Variants in KSR1 observed in about 807,000 individuals in gnomAD.
KSR1 encodes kinase suppressor of ras 1, also known as kinase suppressor of ras.
Under a neutral mutation model 92.9 loss-of-function variants are expected in KSR1, and 35 were observed. That is an observed-to-expected ratio of 0.38 (90% CI 0.29 to 0.50). The LOEUF is 0.50. Among genes scored for constraint, KSR1 ranks in the 20% least tolerant of loss-of-function variants. KSR1 has a pLI of 0.94. For synonymous variants in KSR1, 467 were observed against 472.6 expected (o/e 0.99, Z 0.15); for missense variants, 972 against 1,158.5 (o/e 0.84, Z 2.34).
intron 2 of KSR1, among the ~76,000 whole-genome samples, chr17:27,555,897 AAAG>A (rs2071576864): frequency 6.6e-6 from 1 of 152,232 alleles, no homozygotes; most frequent in Non-Finnish European, 1.5e-5. Flanking sequence ...AGATAAAGTG[AAAG>A]AAAATTGCTG....
chr17:27,604,971 T>A (rs2073700073), intron 13 of KSR1, among the ~76,000 whole-genome samples: 1 of 152,232 alleles, frequency 6.6e-6, no homozygotes, highest in Admixed American at 6.5e-5. Flanking sequence ...ACCACTGCCT[T>A]GACCCTTGAA....
intron 3 of KSR1, among the ~76,000 whole-genome samples, chr17:27,580,700 C>T (rs1318180688): frequency 6.6e-6 from 1 of 152,106 alleles, no homozygotes; most frequent in African/African-American, 2.4e-5. Flanking sequence ...ACAGATATTG[C>T]GGGAGGGAGG....
At chr17:27,585,693 A>G (rs1284600036) in intron 5 of KSR1, 32 bp downstream of exon 5, 2 of 755,686 alleles carry the variant, frequency 2.6e-6, no homozygotes, top group African/African-American at 3.4e-5. Flanking sequence ...CCCCTCTACC[A>G]CCTGGGAGTC....
At chr17:27,547,339 A>T (rs923352992) in intron 1 of KSR1, among the ~76,000 whole-genome samples, 7 of 152,250 alleles carry the variant, frequency 4.6e-5, no homozygotes, top group Non-Finnish European at 8.8e-5. Context: ...CAGGGGGTCC[A>T]TCGATGAACG....
chr17:27,496,221 C>T (rs1242844766), intron 1 of KSR1, among the ~76,000 whole-genome samples: 1 of 152,050 alleles, frequency 6.6e-6, no homozygotes, highest in African/African-American at 2.4e-5. Flanking sequence ...TTGTGTTTGC[C>T]TAAGGGAGAT....
Position 27,610,077 on chromosome 17 carries a change from C to G in KSR1, c.2236C>G (p.Gln746Glu). ...CTTCCTGGTCTCCAGGCGTGAGAAC[C>G]AGCTAAAGCTGTCCCACGACTGGCT... Reference protein sequence around the residue: ...GVVREGRRENQLKLSHDWLCY... With the variant: ...GVVREGRRENELKLSHDWLCY... Residue 746 changes from glutamine to glutamate, a missense_variant, in exon 17 of 21, where the codon CAG becomes GAG. Coordinates refer to ENST00000644974, the MANE Select transcript of KSR1 (RefSeq NM_001394583.1). The G allele has an allele frequency of 1.2e-6, 2 of 1,613,924 alleles. No homozygotes were observed. Among genetic ancestry groups the G allele is most frequent in the Non-Finnish European group, 8.5e-7 (1 of 1,179,838 alleles).
rs569578565 is a variant in KSR1, at chr17:27,527,424, A to G, written c.232-23144A>G. On this transcript the variant is annotated intron_variant, in intron 1 of 20. Coordinates refer to ENST00000644974, the MANE Select transcript of KSR1 (RefSeq NM_001394583.1). ...CCCCCCCTTTTTTTTCTTTTTTGAGACAAAGTCTTGCTCTGTCACCTAGGC... is the reference window on the plus strand; with the variant it reads ...CCCCCCCTTTTTTTTCTTTTTTGAGGCAAAGTCTTGCTCTGTCACCTAGGC... 1.7e-3 allele frequency among the ~76,000 whole-genome samples: 186 copies of G among 112,240 alleles called. 1 individual carries two copies. Among genetic ancestry groups the G allele is most frequent in the South Asian group, 0.016 (51 of 3,190 alleles). The allele number at this position is 112,240 out of a possible 152,430, so 73.6% of individuals were successfully genotyped here.
At chr17:27,460,148 C>T (rs367984757) in intron 1 of KSR1, among the ~76,000 whole-genome samples, 1 of 152,094 alleles carries the variant, frequency 6.6e-6, no homozygotes, top group East Asian at 1.9e-4. Flanking sequence ...AAAACTCCAC[C>T]GAGGCAAACG....
chr17:27,513,329 G>A (rs1024539870), intron 1 of KSR1, among the ~76,000 whole-genome samples: 2 of 152,082 alleles, frequency 1.3e-5, no homozygotes, highest in African/African-American at 4.8e-5. Context: ...GGTGGCTCAT[G>A]TCTGTAATTC....
At chr17:27,540,021 C>G (rs2070899102) in intron 1 of KSR1, among the ~76,000 whole-genome samples, 1 of 152,238 alleles carries the variant, frequency 6.6e-6, no homozygotes, top group Non-Finnish European at 1.5e-5. Context: ...GCCATTCACT[C>G]TGGCCCAGCT....
chr17:27,507,548 A>G (rs953460328), intron 1 of KSR1, among the ~76,000 whole-genome samples: 1 of 144,272 alleles, frequency 6.9e-6, no homozygotes, highest in African/African-American at 2.6e-5. Flanking sequence ...GATCATTAAA[A>G]TCTTTATTGT....
intron 1 of KSR1, among the ~76,000 whole-genome samples, chr17:27,526,183 A>G (rs1032035670): frequency 1.3e-5 from 2 of 148,952 alleles, no homozygotes; most frequent in African/African-American, 5.0e-5. Context: ...CATGGTGATA[A>G]TTTTCAGAAG....
intron 18 of KSR1, among the ~76,000 whole-genome samples, chr17:27,616,291 T>G (rs1351014786): frequency 6.6e-6 from 1 of 152,240 alleles, no homozygotes; most frequent in Admixed American, 6.5e-5. Flanking sequence ...AGCCTACATT[T>G]CTCTTACCTT....
rs2019334918 is a variant in KSR1, at chr17:27,459,479, G to T, written c.231+2605G>T. 1.3e-5 allele frequency among the ~76,000 whole-genome samples: 2 copies of T among 152,234 alleles called. No individual in the cohort carries two copies. The highest frequency in any genetic ancestry group is 2.1e-4 in the South Asian group (1 of 4,836). ...ACAAGCCAGGAAACAATCTCAGCAA[G>T]CTGGGTGGGACCGTCCACCGCCAGC... On this transcript the variant is annotated intron_variant, in intron 1 of 20. Transcript: ENST00000644974. This position sits in a 1 kb window ranked among gnomAD's most constrained non-coding sequence, Gnocchi z 4.6.
intron 1 of KSR1, among the ~76,000 whole-genome samples, chr17:27,533,404 A>C (rs2070625943): frequency 6.7e-6 from 1 of 149,670 alleles, no homozygotes; most frequent in African/African-American, 2.5e-5. Flanking sequence ...TTTTTTTTTA[A>C]GATGGAGTAT....
At chr17:27,623,267 A>C in intron 20 of KSR1, 47 bp from the exon 21 acceptor site, 1 of 745,124 alleles carries the variant, frequency 1.3e-6, no homozygotes, top group Non-Finnish European at 2.5e-6. Context: ...CCTAATTCTG[A>C]TGAAGATCAA....
At chr17:27,509,662 A>AAAACAAAC (rs34088526) in intron 1 of KSR1, among the ~76,000 whole-genome samples, 19 of 151,358 alleles carry the variant, frequency 1.3e-4, no homozygotes, top group Admixed American at 1.2e-3. Flanking sequence ...TCTCTAGTTT[A>AAAACAAAC]AAACAAACAA....
intron 4 of KSR1, among the ~76,000 whole-genome samples, chr17:27,584,461 C>G (rs2072894517): frequency 6.6e-6 from 1 of 152,132 alleles, no homozygotes; most frequent in Admixed American, 6.5e-5. Context: ...GGCCTGGGTC[C>G]CACCCAGAAG....
chr17:27,600,985 C>T (rs2073536221), intron 10 of KSR1, among the ~76,000 whole-genome samples: 1 of 152,166 alleles, frequency 6.6e-6, no homozygotes, highest in South Asian at 2.1e-4. Context: ...AGGTGGGGCT[C>T]AGGGGGAGGA....
Sources: gnomAD v4.1 joint callset for allele counts (sites outside exome capture counted in the v4.1 genomes callset) on GRCh38, gnomAD v4.1.1 for gene constraint, Gnocchi (gnomAD v3.1) non-coding constraint, MANE v1.5 for transcripts, NCBI Gene and HGNC (gene_info 2026-07-23, HGNC 2026-07-21) for gene names.